The following PDE4D variants were observed in gnomAD, a reference collection of about 807,000 sequenced individuals.
PDE4D encodes 3',5'-cyclic-AMP phosphodiesterase 4D.
A neutral mutation model predicts 87.4 loss-of-function variants in PDE4D; 24 were observed. The observed-to-expected ratio is 0.27, with a 90% CI of 0.20 to 0.39. PDE4D has a LOEUF of 0.39. Ranked by LOEUF, PDE4D falls within the 10% of genes least tolerant of loss-of-function variation. The probability of loss-of-function intolerance (pLI) is 1.00; values close to 1 mark genes in which losing one functional copy is unlikely to be tolerated. For synonymous variants in PDE4D, 384 were observed against 383.2 expected (o/e 1.00, Z -0.02); for missense variants, 714 against 1,041.0 (o/e 0.69, Z 4.32).
chr5:59,202,544 A>AT (rs956915140), intron 2 of PDE4D, among the ~76,000 whole-genome samples: 2,161 of 146,936 alleles, frequency 0.015, 20 homozygotes, highest in African/African-American at 0.026. Context: ...GCAGGTTAGA[A>AT]TTTTTTTTTT....
At chr5:59,988,553 T>C (rs1158333216) in exon 3 of PDE4D, 3 of 1,599,286 alleles carry the variant, frequency 1.9e-6, no homozygotes, top group African/African-American at 2.7e-5. Flanking sequence ...TGGTTGGTCG[T>C]TGAATGTTCT....
intron 1 of PDE4D, among the ~76,000 whole-genome samples, chr5:60,505,334 C>A (rs952743386): frequency 2.0e-5 from 3 of 152,162 alleles, no homozygotes; most frequent in Non-Finnish European, 2.9e-5. Flanking sequence ...AATAAAGTCC[C>A]ATTTTCACCA....
At chr5:59,029,660 CTT>C (rs70973180) in intron 6 of PDE4D, among the ~76,000 whole-genome samples, 5 of 150,446 alleles carry the variant, frequency 3.3e-5, no homozygotes, top group Non-Finnish European at 5.9e-5. Flanking sequence ...ATTCCAATGT[CTT>C]TTTTTTTCAC....
chr5:59,421,045 C>T (rs771424471), intron 1 of PDE4D, among the ~76,000 whole-genome samples: 1 of 152,086 alleles, frequency 6.6e-6, no homozygotes, highest in Non-Finnish European at 1.5e-5. Context: ...GAGTAAATGC[C>T]GTATGCTTCA....
In PDE4D at chr5:59,082,808, C is replaced by T. The variant is rs770974396; in HGVS notation, c.809-43837G>A. 8.5e-5 allele frequency among the ~76,000 whole-genome samples: 13 copies of T among 152,204 alleles called. 1 individual carries two copies. Among genetic ancestry groups the T allele is most frequent in the Middle Eastern group, 3.4e-3 (1 of 294 alleles). On this transcript the variant is annotated intron_variant, in intron 5 of 14. Coordinates refer to ENST00000340635, the MANE Select transcript of PDE4D (RefSeq NM_001104631.2). The stretch of plus-strand genomic sequence containing the variant: ...AAATGTTAAAAGGCTCTTAATTATG[C>T]AATTCGAAATGTGATGTCTACTTTC...
intron 1 of PDE4D, among the ~76,000 whole-genome samples, chr5:60,320,016 C>T (rs1409695536): frequency 2.0e-5 from 3 of 152,238 alleles, no homozygotes; most frequent in Non-Finnish European, 4.4e-5. Flanking sequence ...AGCTGTCAGA[C>T]AGGGACATTT....
At chr5:59,024,887 C>G (rs1219135625) in intron 6 of PDE4D, among the ~76,000 whole-genome samples, 3 of 152,108 alleles carry the variant, frequency 2.0e-5, no homozygotes, top group African/African-American at 7.2e-5. Context: ...ATCCTTATCA[C>G]AGCATACTGT....
At position 59,540,816 on chromosome 5, in the gene PDE4D, G is replaced by C. The variant is rs201597562; in HGVS notation, c.456-324848C>G. On this transcript the variant is annotated intron_variant, in intron 1 of 14. Transcript: ENST00000340635. The stretch of plus-strand genomic sequence containing the variant: ...TCAAATCTAACAAACTGGTGGTTTT[G>C]AAATCTCCTTTGCTCCAAAGACATT... 7.9e-5 allele frequency among the ~76,000 whole-genome samples: 12 copies of C among 152,242 alleles called. No individual in the cohort carries two copies. In the East Asian group the frequency reaches 2.3e-3, roughly 29 times the overall value.
intron 5 of PDE4D, among the ~76,000 whole-genome samples, chr5:59,113,139 T>C (rs1772974683): frequency 6.6e-6 from 1 of 152,128 alleles, no homozygotes; most frequent in African/African-American, 2.4e-5. Context: ...CTTCCTTGCA[T>C]GCACACCTGC....
intron 1 of PDE4D, among the ~76,000 whole-genome samples, chr5:60,250,240 G>GT (rs202095058): frequency 0.014 from 2,143 of 151,640 alleles, 24 homozygotes; most frequent in Middle Eastern, 0.034. Context: ...AATATTGAAG[G>GT]TTTTTTTTAA....
chr5:59,570,364 G>A (rs1002216209), intron 1 of PDE4D, among the ~76,000 whole-genome samples: 1 of 152,142 alleles, frequency 6.6e-6, no homozygotes, highest in African/African-American at 2.4e-5. Flanking sequence ...AAATAAGGAT[G>A]TCATACAAAA....
chr5:59,171,175 C>A (rs1045263129), intron 5 of PDE4D, among the ~76,000 whole-genome samples: 1 of 152,222 alleles, frequency 6.6e-6, no homozygotes, highest in South Asian at 2.1e-4. Flanking sequence ...AGCCACCACA[C>A]CTGGCTCATA....
intron 5 of PDE4D, among the ~76,000 whole-genome samples, chr5:59,163,537 G>T (rs914839322): frequency 6.6e-6 from 1 of 152,180 alleles, no homozygotes; most frequent in African/African-American, 2.4e-5. Context: ...CTCCCAAAAT[G>T]CTGGATAACA....
intron 1 of PDE4D, among the ~76,000 whole-genome samples, chr5:59,353,439 C>T (rs1475726242): frequency 6.6e-6 from 1 of 151,728 alleles, no homozygotes; most frequent in Non-Finnish European, 1.5e-5. Context: ...CATCATTCTC[C>T]TCTTTCTTCT....
intron 11 of PDE4D, among the ~76,000 whole-genome samples, chr5:58,978,477 G>A (rs1230509940): frequency 6.6e-6 from 1 of 151,720 alleles, no homozygotes; most frequent in Non-Finnish European, 1.5e-5. Context: ...TTTTTCTAAC[G>A]AATGCATAGA....
At chr5:59,147,040 C>T (rs911393953) in intron 5 of PDE4D, among the ~76,000 whole-genome samples, 23 of 152,056 alleles carry the variant, frequency 1.5e-4, no homozygotes, top group Non-Finnish European at 2.6e-4. Context: ...ACTGTGCATG[C>T]GAGGCATCTA....
chr5:60,431,434 G>GAT (rs1744287977), intron 1 of PDE4D, among the ~76,000 whole-genome samples: 1 of 151,760 alleles, frequency 6.6e-6, no homozygotes, highest in East Asian at 2.0e-4. Flanking sequence ...CATCCCAGAC[G>GAT]GGGCGGCGGG....
chr5:60,115,265 TGCTG>T (rs1206885150), intron 2 of PDE4D, among the ~76,000 whole-genome samples: 1 of 152,108 alleles, frequency 6.6e-6, no homozygotes, highest in East Asian at 1.9e-4. Context: ...TCATAGGCAG[TGCTG>T]GAATGGTTAT....
chr5:60,086,996 G>A (rs1284370874), intron 2 of PDE4D, among the ~76,000 whole-genome samples: 4 of 152,166 alleles, frequency 2.6e-5, no homozygotes, highest in African/African-American at 9.7e-5. Flanking sequence ...CTTTCCCCTG[G>A]CCCAGAAACA....
Sources: allele counts gnomAD v4.1 joint callset (sites outside exome capture counted in the v4.1 genomes callset), GRCh38; gene constraint gnomAD v4.1.1; transcripts MANE v1.5; gene names NCBI Gene and HGNC (gene_info 2026-07-23, HGNC 2026-07-21).